ITGB6: variants seen among roughly 807,000 people sequenced by gnomAD.
The protein encoded by ITGB6 is integrin beta-6.
A neutral mutation model predicts 84.5 loss-of-function variants in ITGB6; 80 were observed. The ratio of observed to expected loss-of-function variants is 0.95; its 90% CI spans 0.79 to 1.14. The LOEUF is 1.14. ITGB6 is among the 50% of genes most tolerant of loss of function. The pLI is 0.00. For missense variants in ITGB6, 1,006 were observed against 968.0 expected (o/e 1.04, Z -0.52); for synonymous variants, 383 against 354.9 (o/e 1.08, Z -0.89).
intron 11 of ITGB6, among the ~76,000 whole-genome samples, chr2:160,124,919 T>C (rs1683177822): frequency 6.6e-6 from 1 of 152,254 alleles, no homozygotes; most frequent in Non-Finnish European, 1.5e-5. Flanking sequence ...ATTGCATTTT[T>C]CTAGATTGTA....
chr2:160,120,380 A>C (rs1682979437), intron 12 of ITGB6, among the ~76,000 whole-genome samples: 1 of 58,402 alleles, frequency 1.7e-5, no homozygotes, highest in Non-Finnish European at 3.6e-5. Flanking sequence ...ACATGGATGA[A>C]ATTGGAAACC....
In ITGB6 at chr2:160,195,735, A is replaced by G; in HGVS notation, c.347-120T>C. 4 of 1,104,096 alleles carry G rather than the reference A, an allele frequency of 3.6e-6. No homozygotes were observed. The South Asian group carries it at 4.7e-5, about 13-fold the overall frequency. 68.4% of individuals were successfully genotyped at this position (1,104,096 alleles called of 1,614,324 possible). ...ATAAGAACTTACTGAAATACATATG[A>G]TTTTATTAACTGTGTGGTCAAGATC... On this transcript the variant is annotated intron_variant, in intron 3 of 14. Coordinates refer to ENST00000283249, the MANE Select transcript of ITGB6 (RefSeq NM_000888.5).
chr2:160,151,538 A>G (rs1489529244), intron 7 of ITGB6, among the ~76,000 whole-genome samples: 1 of 152,206 alleles, frequency 6.6e-6, no homozygotes, highest in Non-Finnish European at 1.5e-5. Context: ...TAAAAGAACT[A>G]GAGAATCAAG....
chr2:160,196,388 C>T lies in ITGB6; in HGVS notation c.174G>A (p.Arg58=). The T allele has an allele frequency of 6.2e-7, 1 of 1,613,834 alleles. No homozygotes were observed. The highest frequency in any genetic ancestry group is 8.5e-7 in the Non-Finnish European group (1 of 1,179,908). ...NFTHPSGVGE[R]CDTPANLLAK... ...CTAAAAGGTTTGCTGGGGTATCACA[C>T]CTTTCGCCAACTCCAGATGGATGAG... The change falls in exon 3 of 15, where the codon AGG becomes AGA. Residue 58 remains arginine (R), a synonymous_variant. Coordinates refer to ENST00000283249, the MANE Select transcript of ITGB6 (RefSeq NM_000888.5).
At chr2:160,152,782 CA>C (rs1265727480) in intron 7 of ITGB6, among the ~76,000 whole-genome samples, 2 of 152,184 alleles carry the variant, frequency 1.3e-5, no homozygotes, top group African/African-American at 4.8e-5. Context: ...CCAAAAATCA[CA>C]AGCATTCCTA....
rs149306240 is a variant in ITGB6 at position 160,200,010 on chromosome 2, G to A, written c.54C>T (p.His18=). ...LFFLFLGRND[H]VQGGCALGGA... Reference sequence around the variant, plus strand: ...AGAGAACGCAGGTCTTACCTTGTACGTGATCATTCCTTCCTAGAAATAGAA... The same window carrying A: ...AGAGAACGCAGGTCTTACCTTGTACATGATCATTCCTTCCTAGAAATAGAA... The change falls in exon 1 of 15, where the codon CAC becomes CAT. Residue 18 remains histidine (H), a synonymous_variant. Coordinates refer to ENST00000283249, the MANE Select transcript of ITGB6 (RefSeq NM_000888.5). The A allele has an allele frequency of 3.2e-5, 51 of 1,612,898 alleles. No homozygotes were observed. The African/African-American group carries it at 5.7e-4, about 18-fold the overall frequency.
chr2:160,132,100 T>C (rs148719010), intron 10 of ITGB6, among the ~76,000 whole-genome samples: 148 of 152,286 alleles, frequency 9.7e-4, no homozygotes, highest in African/African-American at 3.3e-3. Flanking sequence ...ACAAGATTCC[T>C]ATTAGACATG....
At chr2:160,113,169 T>A (rs1405736080) in intron 12 of ITGB6, among the ~76,000 whole-genome samples, 1 of 152,202 alleles carries the variant, frequency 6.6e-6, no homozygotes, top group African/African-American at 2.4e-5. Context: ...CTACAATGGA[T>A]CAGAACATTA....
intron 7 of ITGB6, among the ~76,000 whole-genome samples, chr2:160,153,307 T>G (rs1042112273): frequency 2.0e-5 from 3 of 152,196 alleles, no homozygotes; most frequent in African/African-American, 7.2e-5. Flanking sequence ...ATCTGATCTT[T>G]GACAAACCTG....
At chr2:160,198,089 T>A (rs1175944946) in intron 2 of ITGB6, among the ~76,000 whole-genome samples, 1 of 152,240 alleles carries the variant, frequency 6.6e-6, no homozygotes, top group Non-Finnish European at 1.5e-5. Flanking sequence ...GATTTGTTGT[T>A]GTATCTCTCT....
At chr2:160,154,085 A>G (rs1229115570) in intron 7 of ITGB6, among the ~76,000 whole-genome samples, 1 of 152,250 alleles carries the variant, frequency 6.6e-6, no homozygotes, top group Non-Finnish European at 1.5e-5. Flanking sequence ...ATTACTGGGT[A>G]TATACCCAAA....
At position 160,186,965 on chromosome 2, in the gene ITGB6, G is replaced by C. The variant is rs190863595; in HGVS notation, c.593+8404C>G. Among the ~76,000 whole-genome samples the C allele has an allele frequency of 6.3e-3, 958 of 152,014 alleles. 5 individuals are homozygous for C. Among genetic ancestry groups the C allele is most frequent in the African/African-American group, 0.022 (892 of 41,452 alleles). On this transcript the variant is annotated intron_variant, in intron 4 of 14. Transcript: ENST00000283249. ...AACATCACACACCAGGGCCTGTCGGGGGGGTGGGAGGCTAGGGGGAGGGAT... is the reference window on the plus strand; with the variant it reads ...AACATCACACACCAGGGCCTGTCGGCGGGGTGGGAGGCTAGGGGGAGGGAT...
chr2:160,161,511 G>A (rs1441266512), intron 7 of ITGB6, among the ~76,000 whole-genome samples: 1 of 151,976 alleles, frequency 6.6e-6, no homozygotes, highest in Admixed American at 6.6e-5. Context: ...GGCTGTTCTC[G>A]AACTCCTGAC....
intron 12 of ITGB6, among the ~76,000 whole-genome samples, chr2:160,120,890 A>G (rs1228626790): frequency 1.4e-5 from 2 of 138,236 alleles, no homozygotes; most frequent in South Asian, 2.7e-4. Flanking sequence ...GAAGGGGAAC[A>G]TCACACTTCA....
At position 160,200,090 on chromosome 2, in the gene ITGB6, G is replaced by A. The variant is rs775018058; in HGVS notation, c.-27C>T. On this transcript the variant is annotated 5_prime_UTR_variant, in exon 1 of 15. Transcript: ENST00000283249. ...CGTTTCAGTTCTTGCTGTGCAGACC[G>A]ATTAAAAAATGAATTACCTTCAGCG... The A allele has an allele frequency of 1.9e-5, 31 of 1,600,582 alleles. No individual in the cohort carries two copies. The highest frequency in any genetic ancestry group is 2.6e-5 in the Non-Finnish European group (30 of 1,170,550).
chr2:160,127,906 A>G (rs1683299691), intron 10 of ITGB6, among the ~76,000 whole-genome samples: 1 of 152,192 alleles, frequency 6.6e-6, no homozygotes, highest in Non-Finnish European at 1.5e-5. Context: ...TGAGAGCCTC[A>G]TCTATAAAAC....
At chr2:160,135,141 T>C (rs1264897149) in intron 10 of ITGB6, among the ~76,000 whole-genome samples, 3 of 150,214 alleles carry the variant, frequency 2.0e-5, no homozygotes, top group East Asian at 2.0e-4. Context: ...GACATGATTG[T>C]ATATCTAGAA....
At chr2:160,151,135 AATATAC>A (rs1272553235) in intron 7 of ITGB6, among the ~76,000 whole-genome samples, 2 of 152,176 alleles carry the variant, frequency 1.3e-5, no homozygotes, top group African/African-American at 2.4e-5. Flanking sequence ...AAATCAAGAG[AATATAC>A]ATTCTTCTCA....
At chr2:160,116,116 A>T (rs1682753920) in intron 12 of ITGB6, among the ~76,000 whole-genome samples, 1 of 148,066 alleles carries the variant, frequency 6.8e-6, no homozygotes, top group Non-Finnish European at 1.5e-5. Context: ...GAACTTCCCC[A>T]ATCTAGCAAG....
Sources: allele counts gnomAD v4.1 joint callset (sites outside exome capture counted in the v4.1 genomes callset), GRCh38; gene constraint gnomAD v4.1.1; transcripts MANE v1.5; gene names NCBI Gene and HGNC (gene_info 2026-07-23, HGNC 2026-07-21).